Variants in COL11A1 observed in about 807,000 individuals in gnomAD.
COL11A1 encodes collagen type XI alpha 1 chain.
Under a neutral mutation model 265.2 loss-of-function variants are expected in COL11A1, and 74 were observed. The observed-to-expected ratio is 0.28, with a 90% CI of 0.23 to 0.34. The LOEUF is 0.34. Among genes scored for constraint, COL11A1 ranks in the 10% least tolerant of loss-of-function variants. The pLI, the probability that COL11A1 is intolerant of heterozygous loss-of-function variation, is 1.00. For missense variants in COL11A1, 2,165 were observed against 2,263.6 expected, an observed-to-expected ratio of 0.96 and a Z score of 0.88; for synonymous variants, 816 against 727.6, an observed-to-expected ratio of 1.12 and a Z score of -1.96.
chr1:103,102,521 T>C (rs1375151574), intron 1 of COL11A1, among the ~76,000 whole-genome samples: 1 of 151,980 alleles, frequency 6.6e-6, no homozygotes, highest in African/African-American at 2.4e-5. Context: ...ATGAGGGAAG[T>C]GAAGGAGTAA....
At chr1:103,065,433 T>C (rs1325015088) in intron 4 of COL11A1, among the ~76,000 whole-genome samples, 2 of 140,848 alleles carry the variant, frequency 1.4e-5, no homozygotes, top group Non-Finnish European at 3.0e-5. Flanking sequence ...GGCAGGAGAA[T>C]GGCATGAACC....
At chr1:102,937,752 A>G (rs1293100453) in intron 44 of COL11A1, among the ~76,000 whole-genome samples, 1 of 152,160 alleles carries the variant, frequency 6.6e-6, no homozygotes, top group African/African-American at 2.4e-5. Flanking sequence ...TGCCAGCCCC[A>G]GGCTTCTTTG....
chr1:103,099,327 T>A (rs1336924707), intron 1 of COL11A1, among the ~76,000 whole-genome samples: 1 of 151,662 alleles, frequency 6.6e-6, no homozygotes, highest in Non-Finnish European at 1.5e-5. Flanking sequence ...TGGTACTTCA[T>A]AATATAATAA....
intron 40 of COL11A1, 115 bp downstream of exon 40, chr1:102,962,061 C>A: frequency 2.9e-6 from 3 of 1,046,668 alleles, no homozygotes; most frequent in South Asian, 2.7e-5. Context: ...TAATGATAAT[C>A]AAATATATAT....
intron 41 of COL11A1, among the ~76,000 whole-genome samples, chr1:102,954,971 G>C (rs966701158): frequency 1.3e-5 from 2 of 151,956 alleles, no homozygotes; most frequent in African/African-American, 4.8e-5. Context: ...AGCATTATCA[G>C]AATTTAAAGC....
chr1:103,009,367 T>C (rs117316083), intron 14 of COL11A1, among the ~76,000 whole-genome samples: 3,678 of 152,226 alleles, frequency 0.024, 61 homozygotes, highest in Middle Eastern at 0.092. Flanking sequence ...AGAGCCAAGA[T>C]AGCACCACTG....
chr1:102,956,415 G>T (rs1270407735), intron 41 of COL11A1, among the ~76,000 whole-genome samples: 1 of 152,072 alleles, frequency 6.6e-6, no homozygotes, highest in Non-Finnish European at 1.5e-5. Context: ...TTAATAGATT[G>T]TCTGATATTT....
chr1:102,951,432 T>TC (rs1342212979), intron 41 of COL11A1, among the ~76,000 whole-genome samples: 1 of 152,198 alleles, frequency 6.6e-6, no homozygotes, highest in Non-Finnish European at 1.5e-5. Flanking sequence ...GAGTGGTGGC[T>TC]CACACCTGTA....
chr1:103,103,750 CACAACAG>C (rs2102429450), intron 1 of COL11A1, among the ~76,000 whole-genome samples: 1 of 44,138 alleles, frequency 2.3e-5, no homozygotes, highest in East Asian at 0.031. Flanking sequence ...TTGTTGATTG[CACAACAG>C]ATATCATGGT....
At chr1:102,923,531 AC>A in intron 46 of COL11A1, 142 bp from the exon 47 acceptor site, 1 of 669,132 alleles carries the variant, frequency 1.5e-6, no homozygotes, top group East Asian at 2.8e-5. Context: ...TTGTTAAAAT[AC>A]CTACTATGCA....
intron 41 of COL11A1, among the ~76,000 whole-genome samples, chr1:102,959,051 G>T (rs1173131745): frequency 2.5e-4 from 38 of 152,258 alleles, no homozygotes; most frequent in African/African-American, 9.1e-4. Flanking sequence ...ATTCCACGTT[G>T]CCCAAGTCAT....
chr1:102,987,734 C>T lies in COL11A1; in HGVS notation c.2401G>A (p.Val801Ile), dbSNP rs2101738781. ...DMGLKGDRGEVGQIGPRGEDG... is the reference protein window; with the variant it reads ...DMGLKGDRGEIGQIGPRGEDG... ...TCCCCTCTTGGGCCAATTTGACCAA[C>T]TTCTCCCTGAGGCACAGAATAACAA... The change falls in exon 30 of 67, where the codon GTT becomes ATT. Residue 801 changes from valine (V) to isoleucine (I), a missense_variant. Coordinates refer to ENST00000370096, the MANE Select transcript of COL11A1 (RefSeq NM_001854.4). 1.2e-6 allele frequency: 2 copies of T among 1,612,756 alleles called. No individual in the cohort carries two copies. Among genetic ancestry groups the T allele is most frequent in the Non-Finnish European group, 1.7e-6 (2 of 1,178,984 alleles).
At chr1:103,005,674 A>C (rs758029749) in intron 18 of COL11A1, among the ~76,000 whole-genome samples, 164 bp downstream of exon 18, 1 of 152,216 alleles carries the variant, frequency 6.6e-6, no homozygotes, top group Non-Finnish European at 1.5e-5. Flanking sequence ...CACTGATACC[A>C]CATGTGTAAT....
At chr1:102,985,734 C>T (rs900307589) in intron 30 of COL11A1, among the ~76,000 whole-genome samples, 1 of 152,080 alleles carries the variant, frequency 6.6e-6, no homozygotes, top group Admixed American at 6.6e-5. Flanking sequence ...TGATTTATCA[C>T]AATAGCTTGT....
intron 8 of COL11A1, 136 bp downstream of exon 8, chr1:103,022,606 A>C: frequency 1.1e-6 from 1 of 935,372 alleles, no homozygotes; most frequent in Non-Finnish European, 1.7e-6. Flanking sequence ...AAGGTGTCCT[A>C]GTGGTAATAG....
intron 46 of COL11A1, among the ~76,000 whole-genome samples, chr1:102,926,789 A>G (rs1027793339): frequency 2.6e-5 from 4 of 152,178 alleles, no homozygotes; most frequent in Non-Finnish European, 5.9e-5. Context: ...TAAAAAAAAG[A>G]AAATGAATAT....
At chr1:102,997,274 T>G (rs1178651576) in intron 25 of COL11A1, 150 bp from the exon 26 acceptor site, 1 of 721,368 alleles carries the variant, frequency 1.4e-6, no homozygotes, top group Non-Finnish European at 2.4e-6. Context: ...GTGTATGGCT[T>G]TAAATAAATT....
In COL11A1 at chr1:103,108,264, G is replaced by A; in HGVS notation, c.-86C>T. On this transcript the variant is annotated 5_prime_UTR_variant, in exon 1 of 67. Coordinates refer to ENST00000370096, the MANE Select transcript of COL11A1 (RefSeq NM_001854.4). ...TTCGTCCTTTCCAAGGTATCGCCAG[G>A]GATGTTTGCTACACAGCCATTGGGG... is the stretch of plus-strand genomic sequence containing the variant. 9.8e-7 allele frequency: 1 copy of A among 1,019,630 alleles called. No individual in the cohort carries two copies. The highest frequency in any genetic ancestry group is 1.5e-6 in the Non-Finnish European group (1 of 649,938). 63.2% of individuals were successfully genotyped at this position (1,019,630 alleles called of 1,614,324 possible). A position where few individuals can be genotyped will look rare whatever the true frequency, so the allele number is the denominator to read the frequency against.
At chr1:103,026,131 G>T in intron 6 of COL11A1, 85 bp downstream of exon 6, 1 of 1,209,916 alleles carries the variant, frequency 8.3e-7, no homozygotes, top group Non-Finnish European at 1.2e-6. Context: ...AAGGTTTATG[G>T]TAAGTTTGAG....
Sources: allele counts gnomAD v4.1 joint callset (sites outside exome capture counted in the v4.1 genomes callset), GRCh38; gene constraint gnomAD v4.1.1; transcripts MANE v1.5; gene names NCBI Gene and HGNC (gene_info 2026-07-23, HGNC 2026-07-21).